PLEKHA8: variants seen among roughly 807,000 people sequenced by gnomAD.
PLEKHA8 encodes pleckstrin homology domain-containing family A member 8.
Under a neutral mutation model 68.2 loss-of-function variants are expected in PLEKHA8, and 36 were observed. The ratio of observed to expected loss-of-function variants is 0.53; its 90% confidence interval spans 0.40 to 0.70. PLEKHA8 has a LOEUF of 0.70. Among genes scored for constraint, PLEKHA8 ranks in the 30% least tolerant of loss-of-function variants. The probability of loss-of-function intolerance (pLI) is 0.00; values close to 1 mark genes in which losing one functional copy is unlikely to be tolerated. For synonymous variants in PLEKHA8, 211 were observed against 216.1 expected, an observed-to-expected ratio of 0.98 and a Z score of 0.20; for missense variants, 505 against 615.4, an observed-to-expected ratio of 0.82 and a Z score of 1.90.
At chr7:30,104,817 G>A (rs372220915) in intron 13 of PLEKHA8, among the ~76,000 whole-genome samples, 4 of 150,770 alleles carry the variant, frequency 2.7e-5, no homozygotes, top group Non-Finnish European at 5.9e-5. Flanking sequence ...CCACCTCCAG[G>A]GTTCAAGTGA....
chr7:30,069,239 C>G (rs1207210189), intron 12 of PLEKHA8, among the ~76,000 whole-genome samples: 1 of 152,200 alleles, frequency 6.6e-6, no homozygotes, highest in Non-Finnish European at 1.5e-5. Context: ...TTTCAAATCT[C>G]CTGGTTCCTA....
At chr7:30,048,056 A>ATT in intron 4 of PLEKHA8, 100 bp downstream of exon 4, 2 of 677,474 alleles carry the variant, frequency 3.0e-6, no homozygotes, top group Non-Finnish European at 2.0e-6. Context: ...TTTTATTAAT[A>ATT]TTACTAATAT....
chr7:30,110,599 A>G lies in PLEKHA8; in HGVS notation c.1363-18667A>G, dbSNP rs375788388. Among the ~76,000 whole-genome samples the G allele has an allele frequency of 5.3e-5, 8 of 152,296 alleles. No homozygotes were observed. In the East Asian group the frequency reaches 1.5e-3, roughly 29 times the overall value. On this transcript the variant is annotated intron_variant, in intron 13 of 13. Coordinates refer to the PLEKHA8 transcript ENST00000396257. ...GTTTAACATTTTGAGGAACTTCCGA[A>G]GTGTTTTCCAAAGTGGTTGCACTGT...
chr7:30,050,273 A>C (rs1792299175), intron 5 of PLEKHA8, among the ~76,000 whole-genome samples, 161 bp from the exon 6 acceptor site: 1 of 152,188 alleles, frequency 6.6e-6, no homozygotes, highest in Non-Finnish European at 1.5e-5. Flanking sequence ...GTTGGAATCA[A>C]TGACTCTCTT....
rs180706607 is a variant in PLEKHA8, at chr7:30,099,819, T to G, written c.1362+25687T>G. 1.2e-3 allele frequency among the ~76,000 whole-genome samples: 180 copies of G among 152,258 alleles called. 1 individual carries two copies. Among genetic ancestry groups the G allele is most frequent in the African/African-American group, 4.2e-3 (174 of 41,554 alleles). ...AACAACTAGATAACATAACAAAAAATTCATGAACAGCTTGTATAACAAAGC... is the reference window on the plus strand; with the variant it reads ...AACAACTAGATAACATAACAAAAAAGTCATGAACAGCTTGTATAACAAAGC... On this transcript the variant is annotated intron_variant, in intron 13 of 13. Coordinates refer to the PLEKHA8 transcript ENST00000396257.
At position 30,078,572 on chromosome 7, in the gene PLEKHA8, T is replaced by G. The variant is rs1370778795; in HGVS notation, c.1363-18T>G. 1 of 1,612,828 alleles carries G rather than the reference T, an allele frequency of 6.2e-7. No individual in the cohort carries two copies. The highest frequency in any genetic ancestry group is 8.5e-7 in the Non-Finnish European group (1 of 1,179,302). On this transcript the variant is annotated intron_variant, in intron 13 of 13. Coordinates refer to ENST00000449726, the MANE Select transcript of PLEKHA8 (RefSeq NM_001197026.2). ...GAGACAGACTTGATGCAGATTCTCA[T>G]GGGTTATTCTTTTGCAGTTAGCTTT...
chr7:30,069,108 C>CT (rs1442229520), intron 12 of PLEKHA8, among the ~76,000 whole-genome samples: 1 of 152,154 alleles, frequency 6.6e-6, no homozygotes, highest in Non-Finnish European at 1.5e-5. Flanking sequence ...GATGAAGGTT[C>CT]TTACTATTCT....
chr7:30,097,857 C>T (rs1227914901), intron 13 of PLEKHA8, among the ~76,000 whole-genome samples: 2 of 152,202 alleles, frequency 1.3e-5, no homozygotes, highest in Admixed American at 6.5e-5. Context: ...AGCTTTGTTC[C>T]GTTGCTGGTG....
chr7:30,086,372 C>T (rs1795182061), downstream of PLEKHA8, among the ~76,000 whole-genome samples: 1 of 152,210 alleles, frequency 6.6e-6, no homozygotes, highest in African/African-American at 2.4e-5. Context: ...TACCTCTGGC[C>T]TCTCTGTGCC....
chr7:30,108,275 C>A (rs1796146512), intron 13 of PLEKHA8, among the ~76,000 whole-genome samples: 1 of 152,014 alleles, frequency 6.6e-6, no homozygotes, highest in Non-Finnish European at 1.5e-5. Flanking sequence ...AGGATTTTTG[C>A]ATCTATATTT....
chr7:30,116,091 TACGTATACATACGCATACATAC>T (rs1426928791), intron 13 of PLEKHA8: 2 of 150,868 alleles, frequency 1.3e-5, no homozygotes, highest in East Asian at 1.9e-4. Flanking sequence ...TACGCATACA[TACGTATACATACGCATACATAC>T]ACGTATACAT....
At chr7:30,105,875 T>A (rs1033295883) in intron 13 of PLEKHA8, among the ~76,000 whole-genome samples, 2 of 152,228 alleles carry the variant, frequency 1.3e-5, no homozygotes, top group African/African-American at 4.8e-5. Context: ...GTATTTTCAC[T>A]TTGTATGTCA....
chr7:30,043,452 A>T (rs1246205906), intron 1 of PLEKHA8, among the ~76,000 whole-genome samples: 3 of 152,222 alleles, frequency 2.0e-5, no homozygotes, highest in Non-Finnish European at 2.9e-5. Context: ...TATAAAATAT[A>T]ATAAGAGCAA....
chr7:30,070,152 T>C (rs1354692109), intron 12 of PLEKHA8, among the ~76,000 whole-genome samples: 3 of 152,102 alleles, frequency 2.0e-5, no homozygotes, highest in Non-Finnish European at 4.4e-5. Context: ...TTTATGACTT[T>C]TATTTCATTT....
intron 1 of PLEKHA8, among the ~76,000 whole-genome samples, chr7:30,030,900 C>CT (rs1047812487): frequency 2.0e-5 from 3 of 151,818 alleles, no homozygotes; most frequent in Non-Finnish European, 4.4e-5. Context: ...TAAAAAGTAA[C>CT]TTTTTTTTTC....
At chr7:30,078,564 G>A (rs769238192) in intron 13 of PLEKHA8, 26 bp from the exon 14 acceptor site, 1 of 1,611,978 alleles carries the variant, frequency 6.2e-7, no homozygotes, top group East Asian at 2.2e-5. Context: ...ACTTGATGCA[G>A]ATTCTCATGG....
At chr7:30,073,007 A>G (rs1794360962) in intron 12 of PLEKHA8, among the ~76,000 whole-genome samples, 1 of 152,252 alleles carries the variant, frequency 6.6e-6, no homozygotes, top group Admixed American at 6.5e-5. Context: ...ATATTGAATT[A>G]TTCAAATTTC....
At position 30,065,550 on chromosome 7, in the gene PLEKHA8, T is replaced by G. The variant is rs190762353; in HGVS notation, c.1300+2808T>G. Among the ~76,000 whole-genome samples the G allele has an allele frequency of 3.0e-4, 45 of 152,304 alleles. 1 individual carries two copies. The highest frequency in any genetic ancestry group is 2.9e-3 in the Admixed American group (44 of 15,298). On this transcript the variant is annotated intron_variant, in intron 12 of 13. Coordinates refer to ENST00000449726, the MANE Select transcript of PLEKHA8 (RefSeq NM_001197026.2). Reference sequence around the variant, plus strand: ...TTTCTTCTGGGATAATGGTTCCTTTTTCTCATTTTGAAGTCCCAGCCTTCA... The same window carrying G: ...TTTCTTCTGGGATAATGGTTCCTTTGTCTCATTTTGAAGTCCCAGCCTTCA...
downstream of PLEKHA8, among the ~76,000 whole-genome samples, chr7:30,087,339 C>T (rs1418316053): frequency 6.6e-6 from 1 of 152,128 alleles, no homozygotes; most frequent in Admixed American, 6.6e-5. Context: ...CTCCTCCCTG[C>T]GGATAACCCT....
Sources: allele counts gnomAD v4.1 joint callset (sites outside exome capture counted in the v4.1 genomes callset), GRCh38; gene constraint gnomAD v4.1.1; transcripts MANE v1.5; gene names NCBI Gene and HGNC (gene_info 2026-07-23, HGNC 2026-07-21).